The following OPA1 variants were observed in gnomAD, a reference collection of about 807,000 sequenced individuals.
OPA1 encodes OPA1 mitochondrial dynamin like GTPase.
In OPA1, 59 loss-of-function variants were observed where a neutral mutation model predicts 152.9. The ratio of observed to expected loss-of-function variants is 0.39; its 90% CI spans 0.31 to 0.48. OPA1 has a LOEUF of 0.48. Among genes scored for constraint, OPA1 ranks in the 20% least tolerant of loss-of-function variants. The probability of loss-of-function intolerance (pLI) is 0.96; values close to 1 mark genes in which losing one functional copy is unlikely to be tolerated. For missense variants in OPA1, 1,008 were observed against 1,216.8 expected, an observed-to-expected ratio of 0.83 and a Z score of 2.55; for synonymous variants, 400 against 389.9, an observed-to-expected ratio of 1.03 and a Z score of -0.31.
chr3:193,621,832 C>T (rs781637587), intron 6 of OPA1, among the ~76,000 whole-genome samples: 30 of 152,268 alleles, frequency 2.0e-4, no homozygotes, highest in East Asian at 1.2e-3. Flanking sequence ...GAAGATGAAT[C>T]GAAGTGCTGC....
chr3:193,694,340 A>C lies in OPA1; in HGVS notation c.*6-266A>C, dbSNP rs191582791. 3.1e-4 allele frequency among the ~76,000 whole-genome samples: 47 copies of C among 152,324 alleles called. 1 individual carries two copies. Among genetic ancestry groups the C allele is most frequent in the Admixed American group, 2.6e-3 (40 of 15,296 alleles). ...AGGATTCCTAATTAATTGTTATTCTAATATTTGCTGAAGGTGTTTATATGC... is the reference window on the plus strand; with the variant it reads ...AGGATTCCTAATTAATTGTTATTCTCATATTTGCTGAAGGTGTTTATATGC... On this transcript the variant is annotated intron_variant, in intron 30 of 30. Transcript: ENST00000361510.
intron 29 of OPA1, among the ~76,000 whole-genome samples, chr3:193,671,301 A>G (rs1171824862): frequency 6.6e-6 from 1 of 152,216 alleles, no homozygotes; most frequent in Non-Finnish European, 1.5e-5. Context: ...CTCCTGAAGT[A>G]CTTCTTACCA....
intron 29 of OPA1, chr3:193,668,354 C>T (rs1211254882): frequency 6.4e-7 from 1 of 1,551,464 alleles, no homozygotes; most frequent in Admixed American, 2.0e-5. Context: ...ACACTACACA[C>T]CAGGCCACCA....
chr3:193,647,001 G>C (rs1734754729), intron 18 of OPA1, 64 bp from the exon 19 acceptor site: 1 of 998,380 alleles, frequency 1.0e-6, no homozygotes, highest in Admixed American at 1.9e-5. Flanking sequence ...CAGACTTGGT[G>C]GTAGTATTGT....
intron 26 of OPA1, among the ~76,000 whole-genome samples, chr3:193,664,049 T>A (rs1262495964): frequency 4.6e-5 from 7 of 152,074 alleles, no homozygotes; most frequent in South Asian, 2.1e-4. Context: ...ATTTTTTTTT[T>A]AAACTTTTTG....
At chr3:193,668,592 C>G (rs766182553) in intron 29 of OPA1, 52 of 1,542,604 alleles carry the variant, frequency 3.4e-5, no homozygotes, top group Non-Finnish European at 4.4e-5. Context: ...CCCTCTTTAC[C>G]CTGCCTGTGC....
chr3:193,631,633 G>T lies in OPA1; in HGVS notation c.811G>T (p.Asp271Tyr), dbSNP rs376067292. The T allele has an allele frequency of 1.2e-6, 2 of 1,611,926 alleles. No individual in the cohort carries two copies. The highest frequency in any genetic ancestry group is 2.7e-5 in the African/African-American group (2 of 74,836). Residue 271 changes from aspartate to tyrosine, a missense_variant, in exon 8 of 31, where the codon GAC becomes TAC. Asp to Tyr is a radical substitution (Grantham distance 160, BLOSUM62 -3). Coordinates refer to ENST00000361510, the MANE Select transcript of OPA1 (RefSeq NM_130837.3). ...KRKVSDKEKI[D>Y]QLQEELLHTQ... ...TTAGGTGTCAGACAAAGAGAAAATT[G>T]ACCAACTTCAGGAAGAACTTCTGCA... is the stretch of plus-strand genomic sequence containing the variant.
At chr3:193,599,822 C>T (rs1320774287) in intron 1 of OPA1, among the ~76,000 whole-genome samples, 1 of 152,188 alleles carries the variant, frequency 6.6e-6, no homozygotes, top group Admixed American at 6.5e-5. Context: ...AGAATCACCG[C>T]AGATTCAGAG....
intron 22 of OPA1, among the ~76,000 whole-genome samples, chr3:193,656,051 C>T (rs1713734994): frequency 6.6e-6 from 1 of 152,114 alleles, no homozygotes; most frequent in South Asian, 2.1e-4. Context: ...CGTTGCTGAG[C>T]CCTGGCAGTT....
At chr3:193,597,036 G>A (rs1003318978) in intron 1 of OPA1, 2 of 152,214 alleles carry the variant, frequency 1.3e-5, no homozygotes, top group Non-Finnish European at 2.9e-5. Flanking sequence ...TCTCTAAATT[G>A]AGGGGCTGAC....
In OPA1 at chr3:193,637,860, G is replaced by A. The variant is rs998257720; in HGVS notation, c.1036-92G>A. The A allele has an allele frequency of 3.9e-6, 4 of 1,038,778 alleles. No homozygotes were observed. In the Admixed American group the frequency reaches 6.0e-5, roughly 16 times the overall value. The allele number at this position is 1,038,778 out of a possible 1,614,324, so 64.3% of individuals were successfully genotyped here. A position where few individuals can be genotyped will look rare whatever the true frequency, so the allele number is the denominator to read the frequency against. On this transcript the variant is annotated intron_variant, in intron 10 of 30. Coordinates refer to ENST00000361510, the MANE Select transcript of OPA1 (RefSeq NM_130837.3). The stretch of plus-strand genomic sequence containing the variant: ...TTTTTCACCTGTAGAAATTTTAAAA[G>A]ACTAAAAAACTCAGAGCAGCATTAC...
chr3:193,615,031 C>T lies in OPA1; in HGVS notation c.341C>T (p.Thr114Ile). ...ILGSAVGGGY[T>I]AKKTFDQWKD... Reference sequence around the variant, plus strand: ...GGATCGGCTGTTGGGGGTGGCTACACAGCCAAAAAGGTGAACTTGACATTC... The same window carrying T: ...GGATCGGCTGTTGGGGGTGGCTACATAGCCAAAAAGGTGAACTTGACATTC... Residue 114 changes from threonine (T) to isoleucine (I), a missense_variant, in exon 2 of 31, where the codon ACA becomes ATA. Physicochemically the swap from Thr to Ile is moderately conservative, Grantham distance 89. Transcript: ENST00000361510. 2 of 1,613,390 alleles carry T rather than the reference C, an allele frequency of 1.2e-6. No individual in the cohort carries two copies. Among genetic ancestry groups the T allele is most frequent in the African/African-American group, 1.3e-5 (1 of 75,032 alleles).
intron 1 of OPA1, among the ~76,000 whole-genome samples, chr3:193,611,028 G>C (rs528998708): frequency 5.3e-4 from 80 of 152,200 alleles, no homozygotes; most frequent in African/African-American, 1.8e-3. Flanking sequence ...TGCTCGGTGC[G>C]CTGCACCCAC....
At position 193,645,790 on chromosome 3, in the gene OPA1, A is replaced by G. The variant is rs766935532; in HGVS notation, c.1744A>G (p.Lys582Glu). The G allele has an allele frequency of 7.5e-6, 12 of 1,610,382 alleles. No homozygotes were observed. Among genetic ancestry groups the G allele is most frequent in the Admixed American group, 3.3e-5 (2 of 60,024 alleles). The change falls in exon 18 of 31, where the codon AAG becomes GAG. Residue 582 changes from lysine to glutamate, a missense_variant. By Grantham distance (56) the Lys-to-Glu change is moderately conservative. Transcript: ENST00000361510. ...EYEEEFFQNS[K>E]LLKTSMLKAH... ...TGAAGAAGAGTTTTTTCAGAATTCA[A>G]AGCTCCTAAAGTAGGTATCTTGTTA...
chr3:193,677,875 A>T (rs2109371623), intron 29 of OPA1, among the ~76,000 whole-genome samples: 1 of 152,346 alleles, frequency 6.6e-6, no homozygotes, highest in South Asian at 2.1e-4. Context: ...ATGCTGAGGG[A>T]CATTTCATGG....
intron 1 of OPA1, among the ~76,000 whole-genome samples, chr3:193,596,356 C>CTTTT (rs1725543728): frequency 7.4e-6 from 1 of 135,200 alleles, no homozygotes; most frequent in African/African-American, 2.8e-5. Flanking sequence ...CTTTTCTTTT[C>CTTTT]TTTTCTTAAT....
intron 7 of OPA1, chr3:193,628,536 G>T (rs367967727): frequency 6.6e-6 from 1 of 152,166 alleles, no homozygotes; most frequent in Non-Finnish European, 1.5e-5. Context: ...GGAGGATTCC[G>T]CTCTTTCTCC....
intron 29 of OPA1, among the ~76,000 whole-genome samples, chr3:193,690,312 ACC>A (rs1560081929): frequency 1.5e-4 from 2 of 12,916 alleles, no homozygotes; most frequent in East Asian, 5.2e-3. Context: ...CTCCCCCCCC[ACC>A]CCACCCCACA....
chr3:193,684,178 G>T (rs1160321247), intron 29 of OPA1, among the ~76,000 whole-genome samples: 1 of 152,038 alleles, frequency 6.6e-6, no homozygotes, highest in Non-Finnish European at 1.5e-5. Context: ...GAAAATCATG[G>T]GGCCCTTTAT....
Sources: gnomAD v4.1 joint callset for allele counts (sites outside exome capture counted in the v4.1 genomes callset) on GRCh38, gnomAD v4.1.1 for gene constraint, MANE v1.5 for transcripts, NCBI Gene and HGNC (gene_info 2026-07-23, HGNC 2026-07-21) for gene names.